Variants in ZKSCAN1 observed in about 807,000 individuals in gnomAD.
The protein encoded by ZKSCAN1 is zinc finger with KRAB and SCAN domains 1.
ZKSCAN1 carries 14 observed loss-of-function variants against 51.6 expected under a neutral mutation model. The observed-to-expected ratio is 0.27, with a 90% CI of 0.18 to 0.42. ZKSCAN1 has a LOEUF of 0.42. ZKSCAN1 is among the 10% of genes least tolerant of loss of function. The pLI is 1.00. For synonymous variants in ZKSCAN1, 263 were observed against 261.5 expected, an observed-to-expected ratio of 1.01 and a Z score of -0.06; for missense variants, 531 against 710.0, an observed-to-expected ratio of 0.75 and a Z score of 2.86.
In ZKSCAN1 at chr7:100,034,561, G is replaced by A. The variant is rs1054308441; in HGVS notation, c.*364G>A. On this transcript the variant is annotated 3_prime_UTR_variant, in exon 6 of 6. Transcript: ENST00000324306. ...GTTGAAAGATCAAGATTGGCTCCAC[G>A]AAAGTGATACGGAGGTTAGGATGCT... is the stretch of plus-strand genomic sequence containing the variant. 5.5e-5 allele frequency: 55 copies of A among 1,006,410 alleles called. No individual in the cohort carries two copies. Among genetic ancestry groups the A allele is most frequent in the Middle Eastern group, 4.9e-4 (1 of 2,046 alleles). The allele number at this position is 1,006,410 out of a possible 1,614,324, so 62.3% of individuals were successfully genotyped here.
At position 100,030,336 on chromosome 7, in the gene ZKSCAN1, G is replaced by A; in HGVS notation, c.760G>A (p.Asp254Asn). ...QNLARRNLSR[D>N]NRQENYGSAF... is the part of the protein sequence containing the mutation. ...TCTGGCTCGGAGGAATCTCAGTAGG[G>A]ACAACAGGCAGGAGAATTATGGGAG... Residue 254 changes from aspartate to asparagine, a missense_variant, in exon 5 of 6, where the codon GAC (aspartate) becomes AAC (asparagine). Physicochemically the swap from Asp to Asn is conservative, Grantham distance 23 (BLOSUM62 1). This residue lies in a region of ZKSCAN1 where 403 missense variants were observed against 490.5 expected (regional missense o/e 0.82). Coordinates refer to ENST00000324306, the MANE Select transcript of ZKSCAN1 (RefSeq NM_003439.4). The A allele has an allele frequency of 6.2e-7, 1 of 1,614,124 alleles. No individual in the cohort carries two copies. The highest frequency in any genetic ancestry group is 1.1e-5 in the South Asian group (1 of 91,074).
intron 3 of ZKSCAN1, among the ~76,000 whole-genome samples, chr7:100,028,770 A>G (rs1353572396): frequency 7.3e-6 from 1 of 137,792 alleles, no homozygotes; most frequent in Non-Finnish European, 1.5e-5. Context: ...TTGTCTCAGC[A>G]TTTGAACCAT....
intron 1 of ZKSCAN1, 22 bp downstream of exon 1, chr7:100,015,748 T>C (rs1207681687): frequency 7.0e-6 from 1 of 142,436 alleles, no homozygotes; most frequent in African/African-American, 2.5e-5. Context: ...GGCCGGCCTC[T>C]GGGGTGGGAG....
chr7:100,030,823 T>C (rs1791075395), intron 5 of ZKSCAN1, among the ~76,000 whole-genome samples: 1 of 152,238 alleles, frequency 6.6e-6, no homozygotes, highest in Non-Finnish European at 1.5e-5. Flanking sequence ...CTGTTGGCTT[T>C]CTGTCTTCTT....
rs1312455488 is a variant in ZKSCAN1 at position 100,034,596 on chromosome 7, A to G, written c.*399A>G. 1 of 994,418 alleles carries G rather than the reference A, an allele frequency of 1.0e-6. No homozygotes were observed. The highest frequency in any genetic ancestry group is 1.2e-6 in the Non-Finnish European group (1 of 835,074). The allele number at this position is 994,418 out of a possible 1,614,324, so 61.6% of individuals were successfully genotyped here. ...CGGAGGTTAGGATGCTACTTGCTGC[A>G]AACAAGCCCTACTTTGGCCAACATC... On this transcript the variant is annotated 3_prime_UTR_variant, in exon 6 of 6. Coordinates refer to ENST00000324306, the MANE Select transcript of ZKSCAN1 (RefSeq NM_003439.4).
At chr7:100,042,485 T>C (rs919555153), downstream of ZKSCAN1, among the ~76,000 whole-genome samples, 1 of 152,068 alleles carries the variant, frequency 6.6e-6, no homozygotes, top group Non-Finnish European at 1.5e-5. Context: ...TACGATTCAA[T>C]TCAATTCTGA....
chr7:100,043,935 C>A (rs1791660726), downstream of ZKSCAN1, among the ~76,000 whole-genome samples: 3 of 151,854 alleles, frequency 2.0e-5, no homozygotes, highest in Non-Finnish European at 4.4e-5. Context: ...CACCACTACA[C>A]CCAGCTAATT....
At chr7:100,024,431 A>G (rs1790729045) in intron 3 of ZKSCAN1, 124 bp downstream of exon 3, 1 of 1,251,728 alleles carries the variant, frequency 8.0e-7, no homozygotes, top group African/African-American at 1.5e-5. Context: ...CCATCTCTAC[A>G]AAAAATAGAA....
At chr7:100,029,244 C>T (rs1477389830) in intron 3 of ZKSCAN1, among the ~76,000 whole-genome samples, 1 of 150,422 alleles carries the variant, frequency 6.6e-6, no homozygotes, top group Non-Finnish European at 1.5e-5. Flanking sequence ...GATATTGCTA[C>T]TAAAGTGTTT....
intron 1 of ZKSCAN1, among the ~76,000 whole-genome samples, chr7:100,022,639 A>T (rs556838130): frequency 3.7e-4 from 57 of 152,350 alleles, no homozygotes; most frequent in African/African-American, 1.3e-3. Context: ...AGTAGGTCCC[A>T]GGGCTTCAAA....
Position 100,022,990 on chromosome 7 carries a change from C to T in ZKSCAN1, c.-88-429C>T, listed in dbSNP as rs1298403524. Among the ~76,000 whole-genome samples, 4 of 151,898 alleles carry T rather than the reference C, an allele frequency of 2.6e-5. No individual in the cohort carries two copies. The East Asian group carries it at 7.7e-4, about 29-fold the overall frequency. On this transcript the variant is annotated intron_variant, in intron 1 of 5. Coordinates refer to ENST00000324306, the MANE Select transcript of ZKSCAN1 (RefSeq NM_003439.4). Reference sequence around the variant, plus strand: ...ATATGAAGTGACAGTGGAGATTGTACAGTTTTTTCCTCGATTTGTCAGGAT... The same window carrying T: ...ATATGAAGTGACAGTGGAGATTGTATAGTTTTTTCCTCGATTTGTCAGGAT...
At chr7:100,017,085 A>T (rs1790399099) in intron 1 of ZKSCAN1, among the ~76,000 whole-genome samples, 1 of 152,174 alleles carries the variant, frequency 6.6e-6, no homozygotes, top group African/African-American at 2.4e-5. Flanking sequence ...AGCATATTAA[A>T]TCTAACATTT....
chr7:100,017,232 T>TAA (rs1790406871), intron 1 of ZKSCAN1, among the ~76,000 whole-genome samples: 4 of 152,140 alleles, frequency 2.6e-5, no homozygotes, highest in Admixed American at 2.6e-4. Context: ...AAAAAATTTT[T>TAA]TTTTTTTTGA....
Position 100,035,954 on chromosome 7 carries a change from C to T in ZKSCAN1, c.*1757C>T. 1 of 985,436 alleles carries T rather than the reference C, an allele frequency of 1.0e-6. No individual in the cohort carries two copies. The highest frequency in any genetic ancestry group is 1.2e-6 in the Non-Finnish European group (1 of 829,938). 61.0% of individuals were successfully genotyped at this position (985,436 alleles called of 1,614,324 possible). On this transcript the variant is annotated 3_prime_UTR_variant, in exon 6 of 6. Coordinates refer to ENST00000324306, the MANE Select transcript of ZKSCAN1 (RefSeq NM_003439.4). ...ACAGAAACATAGACTGAGAACAAAC[C>T]TCAAGACTATCAGTGTGACCTCCCC...
Position 100,040,622 on chromosome 7 carries a change from T to C in ZKSCAN1, c.*6425T>C. On this transcript the variant is annotated 3_prime_UTR_variant, in exon 6 of 6. Transcript: ENST00000324306. The stretch of plus-strand genomic sequence containing the variant: ...GCCCTAAATCTCCATCATTAAGTCT[T>C]CCAGCAAGGTTAAGTGCAGTATGGA... The C allele has an allele frequency of 1.0e-6, 1 of 985,468 alleles. No individual in the cohort carries two copies. The highest frequency in any genetic ancestry group is 1.2e-6 in the Non-Finnish European group (1 of 829,946). The allele number at this position is 985,468 out of a possible 1,614,324, so 61.0% of individuals were successfully genotyped here.
chr7:100,020,947 A>G (rs757051030), intron 1 of ZKSCAN1, among the ~76,000 whole-genome samples: 4 of 152,270 alleles, frequency 2.6e-5, no homozygotes, highest in African/African-American at 2.4e-5. Flanking sequence ...GATCCAACCT[A>G]TCAACCATGC....
At chr7:100,029,800 C>T (rs1464710831) in intron 3 of ZKSCAN1, 61 bp from the exon 4 acceptor site, 32 of 1,530,510 alleles carry the variant, frequency 2.1e-5, no homozygotes, top group Non-Finnish European at 2.5e-5. Context: ...GCCCCGAGCC[C>T]TTCTTTGAGC....
intron 1 of ZKSCAN1, among the ~76,000 whole-genome samples, chr7:100,020,983 G>C (rs6963345): frequency 2.6e-5 from 4 of 151,822 alleles, no homozygotes; most frequent in Non-Finnish European, 5.9e-5. Flanking sequence ...GAAATGCAGG[G>C]TATAGTCTTA....
At chr7:100,018,683 G>A (rs369867427) in intron 1 of ZKSCAN1, among the ~76,000 whole-genome samples, 3 of 152,150 alleles carry the variant, frequency 2.0e-5, no homozygotes, top group Non-Finnish European at 4.4e-5. Flanking sequence ...CACTGCGCCC[G>A]GCGCATCATG....
Sources: allele counts gnomAD v4.1 joint callset (sites outside exome capture counted in the v4.1 genomes callset), GRCh38; gene constraint gnomAD v4.1.1; regional missense constraint gnomAD v4.1.1; transcripts MANE v1.5; gene names NCBI Gene and HGNC (gene_info 2026-07-23, HGNC 2026-07-21).